Variants in NIPBL observed in about 807,000 individuals in gnomAD.
NIPBL encodes the protein NIPBL cohesin loading factor, also known as nipped-B-like protein.
In NIPBL, 19 loss-of-function variants were observed where a neutral mutation model predicts 321.8. That is an observed-to-expected ratio of 0.06 (90% confidence interval 0.04 to 0.09). The LOEUF (loss-of-function observed/expected upper bound fraction) is 0.09, where lower values mean the gene tolerates loss of function less well. Ranked by LOEUF, NIPBL falls within the 10% of genes least tolerant of loss-of-function variation. The probability of loss-of-function intolerance (pLI) is 1.00; values close to 1 mark genes in which losing one functional copy is unlikely to be tolerated. For missense variants in NIPBL, 2,210 were observed against 3,327.0 expected (o/e 0.66, Z 8.26); for synonymous variants, 1,106 against 1,114.1 (o/e 0.99, Z 0.14).
At chr5:36,989,440 T>A (rs1419193961) in intron 10 of NIPBL, among the ~76,000 whole-genome samples, 1 of 152,202 alleles carries the variant, frequency 6.6e-6, no homozygotes, top group Non-Finnish European at 1.5e-5. Flanking sequence ...GTTCTTCAAA[T>A]ATCTTCTACT....
intron 12 of NIPBL, 109 bp downstream of exon 12, chr5:37,000,679 TA>T: frequency 7.4e-7 from 1 of 1,342,502 alleles, no homozygotes. Flanking sequence ...AATTTTCAAT[TA>T]AGACAAAAAT....
chr5:36,884,496 T>G (rs1745740864), intron 1 of NIPBL, among the ~76,000 whole-genome samples: 1 of 152,204 alleles, frequency 6.6e-6, no homozygotes, highest in African/African-American at 2.4e-5. Flanking sequence ...TTACAAAAGT[T>G]TCCCTGATCA....
intron 1 of NIPBL, among the ~76,000 whole-genome samples, chr5:36,888,749 T>A (rs1163433184): frequency 6.6e-6 from 1 of 152,056 alleles, no homozygotes; most frequent in African/African-American, 2.4e-5. Context: ...AAATTACCCC[T>A]CCAGCCCACA....
Position 36,994,883 on chromosome 5 carries a change from T to TTC in NIPBL, c.3122-738_3122-737insCT, listed in dbSNP as rs2149661321. Among the ~76,000 whole-genome samples the TTC allele has an allele frequency of 9.4e-5, 3 of 31,780 alleles. No individual in the cohort carries two copies. The African/African-American group carries it at 3.4e-3, about 37-fold the overall frequency. 20.8% of individuals were successfully genotyped at this position (31,780 alleles called of 152,430 possible). ...GTCTTCTTTTTTATTGCCTTGACTC[T>TTC]TGTGGGAAGATATGAACTTGAATTT... is the stretch of plus-strand genomic sequence containing the variant. On this transcript the variant is annotated intron_variant, in intron 10 of 46. Transcript: ENST00000282516.
intron 1 of NIPBL, among the ~76,000 whole-genome samples, chr5:36,896,908 G>C (rs963558607): frequency 6.6e-6 from 1 of 151,760 alleles, no homozygotes; most frequent in South Asian, 2.1e-4. Context: ...CCAGTGTTTT[G>C]TAGATTTAAA....
chr5:36,933,938 A>G (rs746114656), intron 1 of NIPBL, among the ~76,000 whole-genome samples: 16 of 152,146 alleles, frequency 1.1e-4, no homozygotes, highest in Non-Finnish European at 1.9e-4. Context: ...GGCAGTTTCT[A>G]TAATTAACTG....
At chr5:37,037,205 A>G (rs915859446) in intron 33 of NIPBL, among the ~76,000 whole-genome samples, 3 of 151,100 alleles carry the variant, frequency 2.0e-5, no homozygotes, top group Non-Finnish European at 3.0e-5. Flanking sequence ...GGCTAACACA[A>G]TGAAACCCCG....
intron 22 of NIPBL, among the ~76,000 whole-genome samples, chr5:37,015,725 C>T (rs1748902953): frequency 6.6e-6 from 1 of 151,834 alleles, no homozygotes; most frequent in South Asian, 2.1e-4. Flanking sequence ...GGTGAGACTC[C>T]ATCTCAAAAA....
At chr5:36,972,930 A>G (rs1743031134) in intron 8 of NIPBL, among the ~76,000 whole-genome samples, 1 of 152,070 alleles carries the variant, frequency 6.6e-6, no homozygotes, top group Admixed American at 6.6e-5. Flanking sequence ...TCCTCAAGCT[A>G]TTAGTTTATA....
intron 16 of NIPBL, 26 bp from the exon 17 acceptor site, chr5:37,006,331 A>G (rs764656184): frequency 8.1e-7 from 1 of 1,239,756 alleles, no homozygotes; most frequent in Non-Finnish European, 1.2e-6. Flanking sequence ...GTTTATTTCC[A>G]TTTCATTAAC....
intron 18 of NIPBL, 90 bp downstream of exon 18, chr5:37,007,564 T>C (rs1292787103): frequency 2.7e-5 from 23 of 856,332 alleles, no homozygotes; most frequent in Non-Finnish European, 4.2e-5. Flanking sequence ...AGACCAGCAC[T>C]ATATTATCAA....
intron 40 of NIPBL, 113 bp from the exon 41 acceptor site, chr5:37,051,666 A>C: frequency 1.1e-5 from 8 of 702,338 alleles, no homozygotes; most frequent in East Asian, 2.7e-5. Context: ...ACTTTATAGG[A>C]AGGCCTATAA....
intron 18 of NIPBL, 86 bp downstream of exon 18, chr5:37,007,560 G>A: frequency 1.1e-6 from 1 of 890,338 alleles, no homozygotes; most frequent in East Asian, 2.6e-5. Context: ...AATAAGACCA[G>A]CACTATATTA....
rs543371298 is a variant in NIPBL at position 36,982,227 on chromosome 5, T to A, written c.1496-2449T>A. 5 of 980,954 alleles carry A rather than the reference T, an allele frequency of 5.1e-6. No individual in the cohort carries two copies. The Admixed American group carries it at 3.1e-4, about 61-fold the overall frequency. 60.8% of individuals were successfully genotyped at this position (980,954 alleles called of 1,614,324 possible). ...AGTGCTGAAGAGGGCTTACAGGTAA[T>A]CACTGTCCTAAATACCAAAATGATT... On this transcript the variant is annotated intron_variant, in intron 9 of 46. Coordinates refer to ENST00000282516, the MANE Select transcript of NIPBL (RefSeq NM_133433.4).
intron 32 of NIPBL, among the ~76,000 whole-genome samples, chr5:37,032,853 CTT>C (rs199932794): frequency 0.014 from 2,083 of 152,120 alleles, 52 homozygotes; most frequent in Admixed American, 0.06. Flanking sequence ...TTTTTCAACT[CTT>C]TTGTTTGGCT....
At chr5:36,984,131 T>C (rs1317594200) in intron 9 of NIPBL, among the ~76,000 whole-genome samples, 1 of 152,102 alleles carries the variant, frequency 6.6e-6, no homozygotes, top group Non-Finnish European at 1.5e-5. Flanking sequence ...AATTCTTTTT[T>C]TAAATTCATT....
intron 22 of NIPBL, 74 bp downstream of exon 22, chr5:37,014,839 A>T (rs1343641761): frequency 1.1e-6 from 1 of 897,954 alleles, no homozygotes; most frequent in Non-Finnish European, 1.9e-6. Context: ...TAAAAAGATG[A>T]ATCCAATTTC....
rs1200107958 is a variant in NIPBL at position 37,065,182 on chromosome 5, A to G, written c.*290A>G. The G allele has an allele frequency of 4.7e-6, 2 of 423,306 alleles. No homozygotes were observed. The highest frequency in any genetic ancestry group is 1.0e-4 in the East Asian group (2 of 20,048). The allele number at this position is 423,306 out of a possible 1,614,324, so 26.2% of individuals were successfully genotyped here. A position where few individuals can be genotyped will look rare whatever the true frequency, so the allele number is the denominator to read the frequency against. ...CTGTTTAAAAAAAATAAACAAGTGA[A>G]TGTTGGAAATTAGTCTGTTAATGTT... On this transcript the variant is annotated 3_prime_UTR_variant, in exon 47 of 47. Coordinates refer to ENST00000282516, the MANE Select transcript of NIPBL (RefSeq NM_133433.4).
At chr5:37,058,786 A>T (rs1754362638) in intron 43 of NIPBL, 105 bp from the exon 44 acceptor site, 1 of 956,074 alleles carries the variant, frequency 1.0e-6, no homozygotes, top group Admixed American at 2.6e-5. Flanking sequence ...AGAGGTTTAT[A>T]AAATATTAGT....
Sources: allele counts gnomAD v4.1 joint callset (sites outside exome capture counted in the v4.1 genomes callset), GRCh38; gene constraint gnomAD v4.1.1; transcripts MANE v1.5; gene names NCBI Gene and HGNC (gene_info 2026-07-23, HGNC 2026-07-21).